Variants in NFASC observed in about 807,000 individuals in gnomAD.
The protein encoded by NFASC is neurofascin homolog.
NFASC carries 43 observed loss-of-function variants against 147.5 expected under a neutral mutation model. The ratio of observed to expected loss-of-function variants is 0.29; its 90% confidence interval spans 0.23 to 0.38. The LOEUF is 0.38. NFASC is among the 10% of genes least tolerant of loss of function. The pLI is 1.00. For synonymous variants in NFASC, 622 were observed against 665.5 expected, an observed-to-expected ratio of 0.93 and a Z score of 1.01; for missense variants, 1,320 against 1,689.0, an observed-to-expected ratio of 0.78 and a Z score of 3.83.
intron 1 of NFASC, among the ~76,000 whole-genome samples, chr1:204,859,989 A>G (rs1269453427): frequency 6.6e-6 from 1 of 152,144 alleles, no homozygotes. Flanking sequence ...AGCATCTGTG[A>G]GCATCCTTGG....
At chr1:204,981,677 G>A in intron 20 of NFASC, 121 bp from the exon 21 acceptor site, 1 of 580,802 alleles carries the variant, frequency 1.7e-6, no homozygotes, top group Non-Finnish European at 2.9e-6. Context: ...ACCCTGCAAG[G>A]GGGCAGGCCA....
At chr1:204,839,088 A>G (rs1012757692) in intron 1 of NFASC, among the ~76,000 whole-genome samples, 4 of 152,196 alleles carry the variant, frequency 2.6e-5, no homozygotes, top group Non-Finnish European at 4.4e-5. Context: ...ACCGGGATGC[A>G]TGCTTTTTGA....
At chr1:204,902,972 G>C (rs1167802602) in intron 1 of NFASC, among the ~76,000 whole-genome samples, 1 of 152,186 alleles carries the variant, frequency 6.6e-6, no homozygotes, top group South Asian at 2.1e-4. Flanking sequence ...TAGGTGGAAG[G>C]TTAGATTCGA....
Position 204,928,523 on chromosome 1 carries a change from T to C in NFASC, c.-91+7783T>C, listed in dbSNP as rs1056016002. 2.0e-5 allele frequency among the ~76,000 whole-genome samples: 3 copies of C among 152,190 alleles called. No individual in the cohort carries two copies. The South Asian group carries it at 6.2e-4, about 31-fold the overall frequency. On this transcript the variant is annotated intron_variant, in intron 2 of 29. Transcript: ENST00000339876. ...GTGCCAAGCTCCAGTTAGTGGGCCT[T>C]GGGTCAAAGAGACAGCATGAAGCAG...
intron 1 of NFASC, among the ~76,000 whole-genome samples, chr1:204,875,529 C>G (rs1429595140): frequency 6.6e-6 from 1 of 152,240 alleles, no homozygotes; most frequent in African/African-American, 2.4e-5. Flanking sequence ...GCTTCTTTTC[C>G]CTAAAAACAG....
At chr1:204,974,514 C>G (rs1466828348) in intron 13 of NFASC, 143 bp from the exon 14 acceptor site, 13 of 1,047,098 alleles carry the variant, frequency 1.2e-5, no homozygotes, top group Non-Finnish European at 1.9e-5. Context: ...TGGCTAGAGG[C>G]AGACCCTCCG....
At chr1:204,933,746 C>CA (rs371179086) in intron 2 of NFASC, among the ~76,000 whole-genome samples, 46 of 111,072 alleles carry the variant, frequency 4.1e-4, no homozygotes, top group East Asian at 1.5e-3. Flanking sequence ...AGGAAGAAGC[C>CA]AAAAAAAAAA....
intron 1 of NFASC, among the ~76,000 whole-genome samples, chr1:204,879,563 G>T (rs1654990477): frequency 6.6e-6 from 1 of 152,200 alleles, no homozygotes; most frequent in Non-Finnish European, 1.5e-5. Flanking sequence ...CAGAAATGTG[G>T]TTATGTAAAA....
Position 204,986,091 on chromosome 1 carries a change from A to G in NFASC, c.2471-1327A>G, listed in dbSNP as rs148110537. On this transcript the variant is annotated intron_variant, in intron 21 of 29. Transcript: ENST00000339876. The surrounding 1 kb of genome is among the most constrained non-coding windows in gnomAD (Gnocchi z 4.2). The stretch of plus-strand genomic sequence containing the variant: ...GGTGATGGGCCTCGCAGTGAGACCA[A>G]GGAGTTCACCACCCCGGAAGGAGGT... 552 of 1,614,070 alleles carry G rather than the reference A, an allele frequency of 3.4e-4. 8 individuals are homozygous for G. In the Middle Eastern group the frequency reaches 5.3e-3, roughly 15 times the overall value.
rs74138692 is a variant in NFASC at position 205,013,712 on chromosome 1, G to A, written c.3491+846G>A. On this transcript the variant is annotated intron_variant, in intron 29 of 29. Transcript: ENST00000339876. ...AGTGGGCTGTGGAGTGTCATTCCCA[G>A]ACCAAGTGCTATGGGAGGGAATGTC... Among the ~76,000 whole-genome samples, 4 of 152,156 alleles carry A rather than the reference G, an allele frequency of 2.6e-5. No individual in the cohort carries two copies. In the East Asian group the frequency reaches 7.7e-4, roughly 29 times the overall value.
chr1:204,908,193 G>C (rs1572847580), intron 1 of NFASC, among the ~76,000 whole-genome samples: 1 of 152,134 alleles, frequency 6.6e-6, no homozygotes, highest in South Asian at 2.1e-4. Context: ...TGTTGTCTAG[G>C]CTAGTCTCAA....
At chr1:204,951,486 TA>T (rs1364848691) in intron 4 of NFASC, among the ~76,000 whole-genome samples, 53 of 136,870 alleles carry the variant, frequency 3.9e-4, no homozygotes, top group Non-Finnish European at 7.2e-4. Context: ...TTTTTTTTTT[TA>T]AAACAGAATA....
chr1:204,861,816 CTG>C (rs1177693249), intron 1 of NFASC, among the ~76,000 whole-genome samples: 1 of 152,204 alleles, frequency 6.6e-6, no homozygotes, highest in Non-Finnish European at 1.5e-5. Context: ...ACATGCCAGT[CTG>C]TGTCTTCTTT....
At chr1:204,841,732 CCTAA>C (rs904351734) in intron 1 of NFASC, among the ~76,000 whole-genome samples, 16 of 152,146 alleles carry the variant, frequency 1.1e-4, no homozygotes, top group Non-Finnish European at 2.4e-4. Flanking sequence ...ATGAGCCTTC[CCTAA>C]CCATCTTACT....
intron 1 of NFASC, among the ~76,000 whole-genome samples, chr1:204,884,567 C>G (rs750362100): frequency 2.6e-5 from 4 of 152,052 alleles, no homozygotes; most frequent in African/African-American, 9.7e-5. Flanking sequence ...CTTTTGGAGT[C>G]CAGGACACCT....
chr1:204,853,894 GGA>G (rs1387860339), intron 1 of NFASC, among the ~76,000 whole-genome samples: 1 of 152,170 alleles, frequency 6.6e-6, no homozygotes, highest in Non-Finnish European at 1.5e-5. Context: ...CATCCATAGG[GGA>G]GAGAGGGGGA....
In NFASC at chr1:204,968,183, G is replaced by A. The variant is rs570488855; in HGVS notation, c.707-66G>A. The A allele has an allele frequency of 4.4e-5, 51 of 1,154,554 alleles. No homozygotes were observed. The South Asian group carries it at 5.5e-4, about 12-fold the overall frequency. 71.5% of individuals were successfully genotyped at this position (1,154,554 alleles called of 1,614,324 possible). On this transcript the variant is annotated intron_variant, in intron 8 of 29. Transcript: ENST00000339876. The surrounding 1 kb of genome is among the most constrained non-coding windows in gnomAD (Gnocchi z 5.4). ...GATGCCACTTCTCTCTAGCCTGACA[G>A]CGTTGGCCTAGTGGGGTCTGCCTTC...
chr1:204,969,986 G>T (rs2095165930), intron 10 of NFASC, among the ~76,000 whole-genome samples: 1 of 142,476 alleles, frequency 7.0e-6, no homozygotes, highest in Admixed American at 7.4e-5. Context: ...TGAGGCAGGA[G>T]AATTGCTTGA....
intron 10 of NFASC, among the ~76,000 whole-genome samples, chr1:204,970,137 T>C (rs1173727846): frequency 6.6e-6 from 1 of 151,068 alleles, no homozygotes; most frequent in African/African-American, 2.4e-5. Flanking sequence ...TAAAGAAATG[T>C]TCATTAGGCT....
Sources: gnomAD v4.1 joint callset for allele counts (sites outside exome capture counted in the v4.1 genomes callset) on GRCh38, gnomAD v4.1.1 for gene constraint, Gnocchi (gnomAD v3.1) non-coding constraint, MANE v1.5 for transcripts, NCBI Gene and HGNC (gene_info 2026-07-23, HGNC 2026-07-21) for gene names.